Variants in SUGP2 observed in about 807,000 individuals in gnomAD.
The protein encoded by SUGP2 is SURP and G-patch domain-containing protein 2.
SUGP2 carries 24 observed loss-of-function variants against 90.5 expected under a neutral mutation model. The observed-to-expected ratio is 0.27, with a 90% CI of 0.19 to 0.37. The LOEUF (loss-of-function observed/expected upper bound fraction) is 0.37, where lower values mean the gene tolerates loss of function less well. Among genes scored for constraint, SUGP2 ranks in the 10% least tolerant of loss-of-function variants. The pLI, the probability that SUGP2 is intolerant of heterozygous loss-of-function variation, is 1.00. For missense variants in SUGP2, 1,233 were observed against 1,363.3 expected, an observed-to-expected ratio of 0.90 and a Z score of 1.51; for synonymous variants, 473 against 513.4, an observed-to-expected ratio of 0.92 and a Z score of 1.06.
chr19:19,000,844 T>C (rs1306569417), intron 8 of SUGP2, among the ~76,000 whole-genome samples: 1 of 151,546 alleles, frequency 6.6e-6, no homozygotes, highest in Non-Finnish European at 1.5e-5. Context: ...TAGCTGGGAC[T>C]ACAGGCATGC....
chr19:18,991,470 A>C lies in SUGP2; in HGVS notation c.*2271T>G, dbSNP rs1449724947. ...TTTGACCCCTGCCAAGGACTCACAG[A>C]ACCATCTCAGCTCAAACTTGGAGGA... On this transcript the variant is annotated 3_prime_UTR_variant, in exon 11 of 11. Coordinates refer to ENST00000452918, the MANE Select transcript of SUGP2 (RefSeq NM_001017392.5). 6.6e-6 allele frequency: 1 copy of C among 152,308 alleles called. No homozygotes were observed. Among genetic ancestry groups the C allele is most frequent in the East Asian group, 1.9e-4 (1 of 5,198 alleles). 9.4% of individuals were successfully genotyped at this position (152,308 alleles called of 1,614,324 possible).
In SUGP2 at chr19:19,033,423, G is replaced by T; in HGVS notation, c.-12+14C>A. On this transcript the variant is annotated intron_variant, in intron 1 of 10. Coordinates refer to ENST00000452918, the MANE Select transcript of SUGP2 (RefSeq NM_001017392.5). ...GGGAGCCACCCACCGACGACGCCAG[G>T]GCCCGGGCCTCACCCCGAGACCACC... is the stretch of plus-strand genomic sequence containing the variant. The T allele has an allele frequency of 7.5e-7, 1 of 1,339,068 alleles. No homozygotes were observed. 82.9% of individuals were successfully genotyped at this position (1,339,068 alleles called of 1,614,324 possible).
rs2057448511 is a variant in SUGP2 at position 18,993,533 on chromosome 19, C to T, written c.*208G>A. On this transcript the variant is annotated 3_prime_UTR_variant, in exon 11 of 11. Transcript: ENST00000452918. ...AAAGCATGTGAACAGAGAGGAGAGG[C>T]AAAAGCACATTGAAAATGGTGCATG... is the stretch of plus-strand genomic sequence containing the variant. 1 of 152,422 alleles carries T rather than the reference C, an allele frequency of 6.6e-6. No individual in the cohort carries two copies. Among genetic ancestry groups the T allele is most frequent in the Admixed American group, 6.6e-5 (1 of 15,256 alleles). 9.4% of individuals were successfully genotyped at this position (152,422 alleles called of 1,614,324 possible). A position where few individuals can be genotyped will look rare whatever the true frequency, so the allele number is the denominator to read the frequency against.
intron 7 of SUGP2, 109 bp downstream of exon 7, chr19:19,004,059 G>T: frequency 1.2e-6 from 1 of 857,862 alleles, no homozygotes; most frequent in Non-Finnish European, 1.8e-6. Flanking sequence ...TTGGAGTGGT[G>T]CACAAAACTC....
chr19:19,006,796 TAGGTGGTCAGTGCCCCACAAGGC>T (rs2058093734), intron 6 of SUGP2, among the ~76,000 whole-genome samples: 1 of 152,260 alleles, frequency 6.6e-6, no homozygotes, highest in South Asian at 2.1e-4. Context: ...TTCCCGTCTG[TAGGTGGTCAGTGCCCCACAAGGC>T]AGGTGGTACC....
chr19:18,995,241 C>A lies in SUGP2; in HGVS notation c.3031G>T (p.Asp1011Tyr). 1 of 1,612,282 alleles carries A rather than the reference C, an allele frequency of 6.2e-7. No individual in the cohort carries two copies. The highest frequency in any genetic ancestry group is 8.5e-7 in the Non-Finnish European group (1 of 1,179,746). ...AGCATCTGGAAGCCCAGGTTCTTAT[C>A]GGTCAGCTTCTGCTGGGCGAAGTCC... The part of the protein sequence containing the change: ...DLDFAQQKLT[D>Y]KNLGFQMLQK... The change falls in exon 9 of 11, where the codon GAT (aspartate) becomes TAT (tyrosine). Residue 1011 changes from aspartate to tyrosine, a missense_variant. Physicochemically the swap from Asp to Tyr is radical, Grantham distance 160 (BLOSUM62 -3). This residue lies in a region of SUGP2 where 105 missense variants were observed against 155.2 expected (regional missense o/e 0.68). Coordinates refer to ENST00000452918, the MANE Select transcript of SUGP2 (RefSeq NM_001017392.5).
At chr19:18,995,530 C>G (rs1228478010) in intron 8 of SUGP2, among the ~76,000 whole-genome samples, 1 of 152,230 alleles carries the variant, frequency 6.6e-6, no homozygotes, top group African/African-American at 2.4e-5. Context: ...GGTGCCAAGA[C>G]TGTGAGGAAA....
At chr19:18,994,543 G>A (rs2057495746) in intron 9 of SUGP2, 57 bp from the exon 10 acceptor site, 2 of 1,599,410 alleles carry the variant, frequency 1.3e-6, no homozygotes, top group South Asian at 1.1e-5. Flanking sequence ...TGGCATGCCA[G>A]GAACTGGGCA....
At chr19:19,009,694 AAGAG>A (rs1390773684) in intron 5 of SUGP2, among the ~76,000 whole-genome samples, 157 bp downstream of exon 5, 1 of 152,176 alleles carries the variant, frequency 6.6e-6, no homozygotes, top group South Asian at 2.1e-4. Context: ...TCAAGAAAGC[AAGAG>A]AGAAAGCGCC....
At chr19:19,030,498 G>T (rs1191763441) in intron 2 of SUGP2, among the ~76,000 whole-genome samples, 1 of 152,130 alleles carries the variant, frequency 6.6e-6, no homozygotes, top group African/African-American at 2.4e-5. Context: ...TGGGAGACAA[G>T]AGTGAAACTC....
chr19:19,029,366 C>A (rs1416697528), intron 2 of SUGP2, among the ~76,000 whole-genome samples: 1 of 151,128 alleles, frequency 6.6e-6, no homozygotes, highest in East Asian at 2.0e-4. Flanking sequence ...GATCTCCTGA[C>A]CTTGTGATCC....
rs780306991 is a variant in SUGP2, at chr19:18,994,496, G to A, written c.3129-10C>T. 3.7e-5 allele frequency: 60 copies of A among 1,612,464 alleles called. No homozygotes were observed. In the South Asian group the frequency reaches 5.8e-4, roughly 16 times the overall value. On this transcript the variant is annotated splice_polypyrimidine_tract_variant and intron_variant, in intron 9 of 10. Transcript: ENST00000452918. ...TTCCGAGGGGGTTCCCCTAGGGAGT[G>A]AAAAAGAGAGTCAGTTGTGCACCTG...
intron 2 of SUGP2, among the ~76,000 whole-genome samples, chr19:19,026,807 C>T (rs553570092): frequency 2.6e-4 from 40 of 152,254 alleles, no homozygotes; most frequent in Non-Finnish European, 1.2e-4. Flanking sequence ...CCACAGCTGA[C>T]CCAAAGCTGG....
chr19:19,003,100 C>A (rs975206026), intron 7 of SUGP2, among the ~76,000 whole-genome samples: 1 of 152,180 alleles, frequency 6.6e-6, no homozygotes, highest in African/African-American at 2.4e-5. Flanking sequence ...AGCCACTGCG[C>A]CTGGCCCCAT....
rs370762722 is a variant in SUGP2 at position 19,009,990 on chromosome 19, T to G, written c.2203A>C (p.Lys735Gln). The change falls in exon 5 of 11, where the codon AAG becomes CAG. Residue 735 changes from lysine (K) to glutamine (Q), a missense_variant. Physicochemically the swap from Lys to Gln is moderately conservative, Grantham distance 53 (BLOSUM62 1). Coordinates refer to ENST00000452918, the MANE Select transcript of SUGP2 (RefSeq NM_001017392.5). The part of the protein sequence containing the change: ...PSLPDRNDAA[K>Q]DCPPDPVGPS... ...CCAACTGGGTCTGGCGGGCAGTCCT[T>G]GGCAGCATCATTTCTGTCTGGCAGG... The G allele has an allele frequency of 7.4e-6, 12 of 1,614,032 alleles. No individual in the cohort carries two copies. Among genetic ancestry groups the G allele is most frequent in the Non-Finnish European group, 1.0e-5 (12 of 1,180,016 alleles).
intron 2 of SUGP2, among the ~76,000 whole-genome samples, chr19:19,028,700 A>G (rs1464120422): frequency 6.6e-6 from 1 of 151,880 alleles, no homozygotes; most frequent in Non-Finnish European, 1.5e-5. Context: ...CGGCCCCCTA[A>G]TCTGTCTTTT....
chr19:19,030,086 G>A (rs541080021), intron 2 of SUGP2, among the ~76,000 whole-genome samples: 1 of 152,022 alleles, frequency 6.6e-6, no homozygotes, highest in Non-Finnish European at 1.5e-5. Flanking sequence ...GGCAGAGGTG[G>A]GAGGATCACT....
chr19:19,017,465 G>T (rs1246463394), intron 4 of SUGP2, among the ~76,000 whole-genome samples: 1 of 152,188 alleles, frequency 6.6e-6, no homozygotes, highest in African/African-American at 2.4e-5. Flanking sequence ...AATACAGAAT[G>T]ATCCAGCCTC....
At chr19:18,994,943 T>C (rs986207109) in intron 9 of SUGP2, 2 of 647,842 alleles carry the variant, frequency 3.1e-6, no homozygotes, top group African/African-American at 1.8e-5. Context: ...GGTTAAAAAA[T>C]CTACACCAGG....
Sources: allele counts gnomAD v4.1 joint callset (sites outside exome capture counted in the v4.1 genomes callset), GRCh38; gene constraint gnomAD v4.1.1; regional missense constraint gnomAD v4.1.1; transcripts MANE v1.5; gene names NCBI Gene and HGNC (gene_info 2026-07-23, HGNC 2026-07-21).